The following FRMPD1 variants were observed in gnomAD, a reference collection of about 807,000 sequenced individuals.
The protein encoded by FRMPD1 is FERM and PDZ domain-containing protein 1.
In FRMPD1, 76 loss-of-function variants were observed where a neutral mutation model predicts 117.8. The ratio of observed to expected loss-of-function variants is 0.65; its 90% CI spans 0.54 to 0.78. The LOEUF (loss-of-function observed/expected upper bound fraction) is 0.78, where lower values mean the gene tolerates loss of function less well. Ranked by LOEUF, FRMPD1 falls within the 30% of genes least tolerant of loss-of-function variation. The probability of loss-of-function intolerance (pLI) is 0.00; values close to 1 mark genes in which losing one functional copy is unlikely to be tolerated. For synonymous variants in FRMPD1, 783 were observed against 770.4 expected, an observed-to-expected ratio of 1.02 and a Z score of -0.27; for missense variants, 1,786 against 1,964.5, an observed-to-expected ratio of 0.91 and a Z score of 1.72.
chr9:37,744,103 T>C (rs949233802), intron 15 of FRMPD1, among the ~76,000 whole-genome samples: 2 of 151,614 alleles, frequency 1.3e-5, no homozygotes, highest in African/African-American at 4.9e-5. Context: ...GGCAGGAGAA[T>C]TGCTTGAACC....
chr9:37,623,904 G>A, the FRMPD1 span, among the ~76,000 whole-genome samples: 1 of 152,156 alleles, frequency 6.6e-6, no homozygotes, highest in African/African-American at 2.4e-5. Flanking sequence ...TTATGACTGT[G>A]GACATTTTAG....
chr9:37,626,641 A>AAAAAAAAAAAAAAAAAAAAAAC, the FRMPD1 span, among the ~76,000 whole-genome samples: 1 of 145,884 alleles, frequency 6.9e-6, no homozygotes, highest in East Asian at 2.0e-4. Context: ...AAAAAAAAAA[A>AAAAAAAAAAAAAAAAAAAAAAC]AGCTGGAGGT....
chr9:37,713,869 G>A (rs1034312497), intron 5 of FRMPD1, among the ~76,000 whole-genome samples: 3 of 152,132 alleles, frequency 2.0e-5, no homozygotes, highest in South Asian at 2.1e-4. Flanking sequence ...GGTTGCCTAC[G>A]CATTTAGGGC....
the FRMPD1 span, among the ~76,000 whole-genome samples, chr9:37,607,315 C>T: frequency 2.6e-5 from 4 of 151,624 alleles, no homozygotes; most frequent in African/African-American, 7.3e-5. Context: ...GACTCCATCT[C>T]AAAAAAATCA....
chr9:37,692,556 A>G, intron 1 of FRMPD1, 82 bp from the exon 2 acceptor site: 1 of 909,298 alleles, frequency 1.1e-6, no homozygotes, highest in Non-Finnish European at 1.8e-6. Flanking sequence ...ATGGGCAAAT[A>G]AAGGAAGCAT....
chr9:37,692,410 T>C (rs576046624), intron 1 of FRMPD1, among the ~76,000 whole-genome samples: 1 of 152,326 alleles, frequency 6.6e-6, no homozygotes, highest in East Asian at 1.9e-4. Context: ...TGTTTAACTG[T>C]TTAAGATACA....
At chr9:37,626,095 G>A in the FRMPD1 span, among the ~76,000 whole-genome samples, 88,685 of 151,958 alleles carry the variant, frequency 0.58, 27,117 homozygotes, top group Non-Finnish European at 0.68. Context: ...AAGAGCCTGA[G>A]GCAGGCGAAT....
intron 2 of FRMPD1, among the ~76,000 whole-genome samples, chr9:37,695,006 AATAGATAGATAGATAGATAG>A (rs74171518): frequency 1.3e-5 from 2 of 150,812 alleles, no homozygotes; most frequent in African/African-American, 4.9e-5. Context: ...GCCAAATAAG[AATAGATAGATAGATAGATAG>A]ATAGATAGAT....
In FRMPD1 at chr9:37,692,752, C is replaced by G. The variant is rs935299252; in HGVS notation, c.101+10C>G. On this transcript the variant is annotated intron_variant, in intron 2 of 15. Transcript: ENST00000377765. ...GGGACAGCTCGGCCCGGTAAGCCTCCTGAGTTTGCAGATTTCTGTCTATAA... is the reference window on the plus strand; with the variant it reads ...GGGACAGCTCGGCCCGGTAAGCCTCGTGAGTTTGCAGATTTCTGTCTATAA... 6.3e-7 allele frequency: 1 copy of G among 1,598,076 alleles called. No homozygotes were observed. The highest frequency in any genetic ancestry group is 1.7e-5 in the Admixed American group (1 of 60,004).
chr9:37,650,083 C>A (rs1166440944), upstream of FRMPD1, among the ~76,000 whole-genome samples: 2 of 152,134 alleles, frequency 1.3e-5, no homozygotes, highest in East Asian at 1.9e-4. Flanking sequence ...TTTTAATAGT[C>A]CTAGACTGTA....
At chr9:37,622,254 A>G in the FRMPD1 span, among the ~76,000 whole-genome samples, 1 of 152,198 alleles carries the variant, frequency 6.6e-6, no homozygotes, top group Non-Finnish European at 1.5e-5. Context: ...ATGTGAATGC[A>G]TGTTATAAAC....
At chr9:37,664,235 T>TG (rs1250452749) in intron 1 of FRMPD1, among the ~76,000 whole-genome samples, 1 of 151,710 alleles carries the variant, frequency 6.6e-6, no homozygotes, top group Non-Finnish European at 1.5e-5. Context: ...CCCTTGGTGG[T>TG]GGGGTGGGGG....
chr9:37,717,317 A>ATGTGTGTG (rs1204426463), intron 5 of FRMPD1, among the ~76,000 whole-genome samples: 3 of 137,806 alleles, frequency 2.2e-5, no homozygotes, highest in African/African-American at 8.2e-5. Context: ...ATATATATGT[A>ATGTGTGTG]TGTGTGTGTG....
At chr9:37,630,375 CTTAT>C in the FRMPD1 span, among the ~76,000 whole-genome samples, 20 of 151,498 alleles carry the variant, frequency 1.3e-4, no homozygotes, top group Admixed American at 7.9e-4. Flanking sequence ...TTCTTTTTTG[CTTAT>C]TTATTTATTT....
At chr9:37,654,592 G>A (rs144377719) in intron 1 of FRMPD1, among the ~76,000 whole-genome samples, 1 of 152,188 alleles carries the variant, frequency 6.6e-6, no homozygotes, top group Admixed American at 6.5e-5. Context: ...TGAATGAGTC[G>A]ATACATGTAA....
At chr9:37,612,515 A>ATT in the FRMPD1 span, among the ~76,000 whole-genome samples, 45 of 92,064 alleles carry the variant, frequency 4.9e-4, no homozygotes, top group Middle Eastern at 7.0e-3. Context: ...TGCCCAGCTA[A>ATT]TTTTTTTTTT....
At chr9:37,741,306 T>A (rs1428234457) in intron 15 of FRMPD1, among the ~76,000 whole-genome samples, 1 of 151,958 alleles carries the variant, frequency 6.6e-6, no homozygotes, top group Non-Finnish European at 1.5e-5. Context: ...AGGCCGTCTG[T>A]GGCCCTGCAA....
intron 1 of FRMPD1, among the ~76,000 whole-genome samples, chr9:37,685,619 T>C (rs1821908787): frequency 6.6e-6 from 1 of 151,960 alleles, no homozygotes; most frequent in South Asian, 2.1e-4. Context: ...GCCACTGCAC[T>C]ACAGCCTAGG....
the FRMPD1 span, among the ~76,000 whole-genome samples, chr9:37,630,119 C>T: frequency 8.5e-5 from 13 of 152,182 alleles, no homozygotes. Context: ...AAAGGCCCCA[C>T]CTTCTAAATC....
Sources: gnomAD v4.1 joint callset for allele counts (sites outside exome capture counted in the v4.1 genomes callset) on GRCh38, gnomAD v4.1.1 for gene constraint, MANE v1.5 for transcripts, NCBI Gene and HGNC (gene_info 2026-07-23, HGNC 2026-07-21) for gene names.